THAP12: variants seen among roughly 807,000 people sequenced by gnomAD.
The protein encoded by THAP12 is 52 kDa repressor of the inhibitor of the protein kinase.
Under a neutral mutation model 63.0 loss-of-function variants are expected in THAP12, and 20 were observed. The observed-to-expected ratio is 0.32, with a 90% CI of 0.22 to 0.46. The LOEUF is 0.46. Among genes scored for constraint, THAP12 ranks in the 20% least tolerant of loss-of-function variants. The probability of loss-of-function intolerance (pLI) is 1.00; values close to 1 mark genes in which losing one functional copy is unlikely to be tolerated. For missense variants in THAP12, 568 were observed against 908.2 expected, an observed-to-expected ratio of 0.63 and a Z score of 4.81; for synonymous variants, 264 against 328.4, an observed-to-expected ratio of 0.80 and a Z score of 2.12.
In THAP12 at chr11:76,361,072, G is replaced by C. The variant is rs1385511430; in HGVS notation, c.211-9C>G. The C allele has an allele frequency of 7.8e-6, 12 of 1,543,690 alleles. No homozygotes were observed. The highest frequency in any genetic ancestry group is 1.1e-5 in the South Asian group (1 of 88,608). ...ACTGTCCTATAAGGACTCTGAAAAA[G>C]AAAATTGTGTTAATTCAGAGATGGT... On this transcript the variant is annotated splice_polypyrimidine_tract_variant and intron_variant, in intron 2 of 4. Transcript: ENST00000260045.
intron 1 of THAP12, among the ~76,000 whole-genome samples, chr11:76,375,968 T>A (rs945127050): frequency 6.6e-6 from 1 of 152,136 alleles, no homozygotes; most frequent in African/African-American, 2.4e-5. Flanking sequence ...AGGAGAAATA[T>A]TGTATGATTC....
intron 3 of THAP12, among the ~76,000 whole-genome samples, chr11:76,360,652 A>G (rs1946592117): frequency 6.6e-6 from 1 of 152,112 alleles, no homozygotes; most frequent in Admixed American, 6.5e-5. Flanking sequence ...TTTCCTTACT[A>G]TGAAAGAAAA....
intron 1 of THAP12, among the ~76,000 whole-genome samples, chr11:76,378,598 CTT>C (rs1335893028): frequency 6.9e-5 from 10 of 145,146 alleles, no homozygotes; most frequent in Middle Eastern, 3.5e-3. Flanking sequence ...GACATCTATT[CTT>C]TTTTTTTTTT....
chr11:76,360,899 A>C, intron 3 of THAP12, 57 bp downstream of exon 3: 1 of 1,155,948 alleles, frequency 8.7e-7, no homozygotes, highest in East Asian at 2.4e-5. Flanking sequence ...ATGCATCTGT[A>C]TTTGATTTCA....
At chr11:76,359,370 T>A (rs1231355929) in intron 3 of THAP12, 1 of 152,226 alleles carries the variant, frequency 6.6e-6, no homozygotes, top group African/African-American at 2.4e-5. Flanking sequence ...GTTAATACTT[T>A]ACAATAGTTT....
In THAP12 at chr11:76,380,843, C is replaced by T. The variant is rs1392030656; in HGVS notation, c.-7G>A. 3.5e-6 allele frequency: 5 copies of T among 1,427,158 alleles called. No homozygotes were observed. In the Admixed American group the frequency reaches 1.0e-4, roughly 29 times the overall value. The allele number at this position is 1,427,158 out of a possible 1,614,324, so 88.4% of individuals were successfully genotyped here. A position where few individuals can be genotyped will look rare whatever the true frequency, so the allele number is the denominator to read the frequency against. On this transcript the variant is annotated 5_prime_UTR_variant, in exon 1 of 5. Transcript: ENST00000260045. ...CAGCGCAGAAGTTCGGCATCGTCGCCCGCCCGCCGGCCGGCCCAGCCCTCC... is the reference window on the plus strand; with the variant it reads ...CAGCGCAGAAGTTCGGCATCGTCGCTCGCCCGCCGGCCGGCCCAGCCCTCC...
intron 1 of THAP12, among the ~76,000 whole-genome samples, chr11:76,369,837 C>T (rs1163450474): frequency 3.3e-5 from 5 of 152,242 alleles, no homozygotes; most frequent in African/African-American, 4.8e-5. Context: ...ATGGGAAAGA[C>T]GGAGCATAGG....
chr11:76,369,525 G>A (rs1007314981), intron 1 of THAP12, among the ~76,000 whole-genome samples: 1 of 152,248 alleles, frequency 6.6e-6, no homozygotes, highest in African/African-American at 2.4e-5. Context: ...TAAGGACCTT[G>A]GGCTGGTATC....
chr11:76,355,376 G>A (rs182606889), intron 4 of THAP12, among the ~76,000 whole-genome samples: 54 of 152,360 alleles, frequency 3.5e-4, no homozygotes, highest in Admixed American at 1.7e-3. Context: ...ACTGAGAGAG[G>A]AGGCGTCACC....
At chr11:76,363,908 G>C (rs1946614880) in intron 2 of THAP12, among the ~76,000 whole-genome samples, 1 of 152,094 alleles carries the variant, frequency 6.6e-6, no homozygotes, top group Non-Finnish European at 1.5e-5. Flanking sequence ...ATCCAGCCCA[G>C]AAATCCAGTT....
chr11:76,371,444 G>A (rs74780573), intron 1 of THAP12, among the ~76,000 whole-genome samples: 3 of 152,180 alleles, frequency 2.0e-5, no homozygotes, highest in Admixed American at 6.5e-5. Flanking sequence ...ATATATGTGG[G>A]TGTATGTGTA....
At chr11:76,367,197 C>T (rs1565234386) in intron 1 of THAP12, among the ~76,000 whole-genome samples, 1 of 151,996 alleles carries the variant, frequency 6.6e-6, no homozygotes, top group Non-Finnish European at 1.5e-5. Flanking sequence ...CTGTCTCAGC[C>T]TCCCAAGTAG....
At chr11:76,365,224 G>T (rs532493105) in intron 2 of THAP12, among the ~76,000 whole-genome samples, 185 of 151,606 alleles carry the variant, frequency 1.2e-3, no homozygotes, top group Non-Finnish European at 1.9e-3. Context: ...GGGGGAGGTG[G>T]CAGAAGTTGC....
chr11:76,363,029 G>C (rs781382135), intron 2 of THAP12, among the ~76,000 whole-genome samples: 9 of 152,168 alleles, frequency 5.9e-5, no homozygotes, highest in Non-Finnish European at 1.3e-4. Flanking sequence ...TGTAGTTCCA[G>C]CTACTTGGGA....
At chr11:76,376,736 G>A (rs1946714046) in intron 1 of THAP12, among the ~76,000 whole-genome samples, 1 of 147,426 alleles carries the variant, frequency 6.8e-6, no homozygotes, top group South Asian at 2.1e-4. Context: ...TTTCAAGTGA[G>A]ATTTCACTAG....
At chr11:76,372,962 G>A (rs916265295) in intron 1 of THAP12, among the ~76,000 whole-genome samples, 4 of 152,054 alleles carry the variant, frequency 2.6e-5, no homozygotes, top group African/African-American at 9.7e-5. Context: ...TGCTCTTAAG[G>A]TTTTAGACAT....
intron 1 of THAP12, among the ~76,000 whole-genome samples, chr11:76,368,309 A>C (rs1253617962): frequency 1.3e-5 from 2 of 152,252 alleles, no homozygotes; most frequent in Non-Finnish European, 2.9e-5. Flanking sequence ...TTTTTAAAGC[A>C]AACTTAAATA....
chr11:76,379,130 T>C (rs79548070), intron 1 of THAP12, among the ~76,000 whole-genome samples: 5,811 of 152,238 alleles, frequency 0.038, 150 homozygotes, highest in East Asian at 0.081. Context: ...CTGGCCAACA[T>C]AGATTTTTAA....
chr11:76,373,263 T>C (rs1946686644), intron 1 of THAP12, among the ~76,000 whole-genome samples: 1 of 151,474 alleles, frequency 6.6e-6, no homozygotes, highest in Admixed American at 6.6e-5. Context: ...GGAGAATTAC[T>C]TGAGCGCAGG....
Sources: allele counts gnomAD v4.1 joint callset (sites outside exome capture counted in the v4.1 genomes callset), GRCh38; gene constraint gnomAD v4.1.1; transcripts MANE v1.5; gene names NCBI Gene and HGNC (gene_info 2026-07-23, HGNC 2026-07-21).